DCHS2: variants seen among roughly 807,000 people sequenced by gnomAD.
The protein encoded by DCHS2 is dachsous cadherin-related 2.
Under a neutral mutation model 182.4 loss-of-function variants are expected in DCHS2, and 142 were observed. The observed-to-expected ratio is 0.78, with a 90% CI of 0.68 to 0.89. DCHS2 has a LOEUF of 0.89. Ranked by LOEUF, DCHS2 falls within the 40% of genes least tolerant of loss-of-function variation. DCHS2 has a pLI of 0.00. For missense variants in DCHS2, 4,319 were observed against 4,198.6 expected, an observed-to-expected ratio of 1.03 and a Z score of -0.79; for synonymous variants, 1,740 against 1,663.3, an observed-to-expected ratio of 1.05 and a Z score of -1.12.
intron 1 of DCHS2, among the ~76,000 whole-genome samples, chr4:154,399,062 A>T (rs1411567109): frequency 6.6e-6 from 1 of 152,160 alleles, no homozygotes; most frequent in Non-Finnish European, 1.5e-5. Context: ...AAAAAACATC[A>T]TCTTAAGAGG....
intron 10 of DCHS2, among the ~76,000 whole-genome samples, chr4:154,308,753 G>C (rs1459542113): frequency 2.0e-5 from 3 of 152,146 alleles, no homozygotes; most frequent in African/African-American, 7.2e-5. Context: ...TAGGTGCCAA[G>C]ATACCATACC....
chr4:154,440,094 T>G (rs1733937782), intron 1 of DCHS2, among the ~76,000 whole-genome samples: 1 of 152,206 alleles, frequency 6.6e-6, no homozygotes, highest in African/African-American at 2.4e-5. Context: ...ATCCCACATC[T>G]GTCTACACTT....
intron 1 of DCHS2, among the ~76,000 whole-genome samples, chr4:154,395,591 T>C (rs1174222026): frequency 1.3e-5 from 2 of 152,310 alleles, no homozygotes; most frequent in African/African-American, 4.8e-5. Flanking sequence ...CACTGCCCAG[T>C]AGGGTTTTTG....
intron 1 of DCHS2, among the ~76,000 whole-genome samples, chr4:154,473,790 C>T (rs1019746682): frequency 6.6e-6 from 1 of 152,114 alleles, no homozygotes; most frequent in Admixed American, 6.5e-5. Flanking sequence ...GAAAAAGAAA[C>T]CAACCAGAGT....
intron 3 of DCHS2, among the ~76,000 whole-genome samples, chr4:154,338,459 C>A (rs1728915257): frequency 6.6e-6 from 1 of 152,134 alleles, no homozygotes; most frequent in African/African-American, 2.4e-5. Flanking sequence ...AAAACCACTA[C>A]CTCATTTTTA....
intron 1 of DCHS2, chr4:154,391,143 A>G: frequency 6.2e-7 from 1 of 1,601,736 alleles, no homozygotes; most frequent in Non-Finnish European, 8.5e-7. Flanking sequence ...GCTGATACTT[A>G]TTTTTAATTT....
At chr4:154,305,357 T>G (rs554740556) in intron 10 of DCHS2, 126 bp from the exon 11 acceptor site, 1 of 1,212,360 alleles carries the variant, frequency 8.2e-7, no homozygotes, top group African/African-American at 1.5e-5. Context: ...CAAACAGCCT[T>G]TAAATTAAGG....
At position 154,332,736 on chromosome 4, in the gene DCHS2, A is replaced by C; in HGVS notation, c.3472T>G (p.Phe1158Val). The C allele has an allele frequency of 6.2e-7, 1 of 1,614,204 alleles. No homozygotes were observed. The highest frequency in any genetic ancestry group is 1.3e-5 in the African/African-American group (1 of 75,048). ...FDYESTQTYN[F>V]RVFAWIPEDG... is the part of the protein sequence containing the mutation. ...TCGGGGATCCAAGCAAACACTCTAA[A>C]ATTATATGTTTGGGTGGATTCATAG... The change falls in exon 5 of 20, where the codon TTT (phenylalanine) becomes GTT (valine). Residue 1158 changes from phenylalanine to valine, a missense_variant. By Grantham distance (50) the Phe-to-Val change is conservative. Transcript: ENST00000357232.
intron 1 of DCHS2, among the ~76,000 whole-genome samples, chr4:154,379,697 A>G (rs1421547808): frequency 6.6e-6 from 1 of 152,224 alleles, no homozygotes; most frequent in East Asian, 1.9e-4. Flanking sequence ...GACTGAAAAC[A>G]AAATAATAAG....
intron 1 of DCHS2, among the ~76,000 whole-genome samples, chr4:154,418,316 G>A (rs1280407227): frequency 6.6e-6 from 1 of 152,094 alleles, no homozygotes; most frequent in Non-Finnish European, 1.5e-5. Flanking sequence ...CAGCACTAAC[G>A]CCAGGTGTCT....
At chr4:154,369,713 T>A (rs895782529) in intron 2 of DCHS2, among the ~76,000 whole-genome samples, 1 of 152,092 alleles carries the variant, frequency 6.6e-6, no homozygotes, top group African/African-American at 2.4e-5. Flanking sequence ...CATGAGTATG[T>A]CTTAATTTTG....
Position 154,240,547 on chromosome 4 carries a change from T to G in DCHS2, c.7349A>C (p.Asp2450Ala), listed in dbSNP as rs1268616117. The G allele has an allele frequency of 6.8e-6, 11 of 1,613,224 alleles. No homozygotes were observed. Among genetic ancestry groups the G allele is most frequent in the Non-Finnish European group, 9.3e-6 (11 of 1,179,526 alleles). The change falls in exon 18 of 20, where the codon GAT becomes GCT. Residue 2450 changes from aspartate (D) to alanine (A), a missense_variant. By Grantham distance (126) the Asp-to-Ala change is moderately radical. Transcript: ENST00000357232. ...CTTTAAGCCCTTTACCTGATAGAAA[T>G]CTTGAGAAAACACTGGTGGATTATC... ...VNDNPPVFSQ[D>A]FYQVTVPESI...
In DCHS2 at chr4:154,489,289, G is replaced by T; in HGVS notation, c.2052+15C>A. 6.7e-7 allele frequency: 1 copy of T among 1,495,148 alleles called. No homozygotes were observed. Among genetic ancestry groups the T allele is most frequent in the South Asian group, 1.3e-5 (1 of 74,212 alleles). The allele number at this position is 1,495,148 out of a possible 1,614,324, so 92.6% of individuals were successfully genotyped here. A position where few individuals can be genotyped will look rare whatever the true frequency, so the allele number is the denominator to read the frequency against. ...CCCAAGCCTTCAGGTTGGCCCACAGGCCTGATGCACTCACCTGCAGAAAGC... is the reference window on the plus strand; with the variant it reads ...CCCAAGCCTTCAGGTTGGCCCACAGTCCTGATGCACTCACCTGCAGAAAGC... On this transcript the variant is annotated intron_variant, in intron 1 of 19. Transcript: ENST00000357232.
intron 1 of DCHS2, chr4:154,486,489 A>AT: frequency 1.5e-6 from 2 of 1,304,770 alleles, no homozygotes; most frequent in Non-Finnish European, 2.0e-6. Context: ...TTTTTGTTTG[A>AT]TTTTGACAAA....
At chr4:154,407,598 A>G (rs1408053275) in intron 1 of DCHS2, among the ~76,000 whole-genome samples, 1 of 152,172 alleles carries the variant, frequency 6.6e-6, no homozygotes, top group Admixed American at 6.5e-5. Context: ...TTTCACCAGA[A>G]ACAAAGTCCT....
intron 3 of DCHS2, among the ~76,000 whole-genome samples, chr4:154,353,518 C>T (rs1446866416): frequency 6.6e-6 from 1 of 152,180 alleles, no homozygotes; most frequent in African/African-American, 2.4e-5. Flanking sequence ...AAGTGAAAGA[C>T]AGCCAACTGG....
chr4:154,359,116 G>A (rs1185115731), intron 3 of DCHS2, among the ~76,000 whole-genome samples: 1 of 151,840 alleles, frequency 6.6e-6, no homozygotes, highest in African/African-American at 2.4e-5. Context: ...CACCAGTGCA[G>A]GGACAAACAT....
chr4:154,463,190 C>CAG (rs1560774147), intron 1 of DCHS2, among the ~76,000 whole-genome samples: 3 of 150,610 alleles, frequency 2.0e-5, no homozygotes, highest in Middle Eastern at 3.4e-3. Flanking sequence ...CACACACACA[C>CAG]AGGAATTTGG....
At chr4:154,282,655 C>T (rs1288700308) in intron 13 of DCHS2, among the ~76,000 whole-genome samples, 1 of 152,026 alleles carries the variant, frequency 6.6e-6, no homozygotes, top group Non-Finnish European at 1.5e-5. Context: ...ACTTTATGAT[C>T]CAGCAATTCC....
Sources: gnomAD v4.1 joint callset for allele counts (sites outside exome capture counted in the v4.1 genomes callset) on GRCh38, gnomAD v4.1.1 for gene constraint, MANE v1.5 for transcripts, NCBI Gene and HGNC (gene_info 2026-07-23, HGNC 2026-07-21) for gene names.